Variants in TMEM117 observed in about 807,000 individuals in gnomAD.
TMEM117 encodes the protein transmembrane protein 117.
TMEM117 carries 27 observed loss-of-function variants against 52.4 expected under a neutral mutation model. That is an observed-to-expected ratio of 0.51 (90% CI 0.38 to 0.71). The LOEUF is 0.71. Among genes scored for constraint, TMEM117 ranks in the 30% least tolerant of loss-of-function variants. TMEM117 has a pLI of 0.00. For synonymous variants in TMEM117, 215 were observed against 206.3 expected (o/e 1.04, Z -0.36); for missense variants, 556 against 630.5 (o/e 0.88, Z 1.26).
chr12:44,147,657 C>T lies in TMEM117; in HGVS notation c.510+4033C>T, dbSNP rs549566557. Among the ~76,000 whole-genome samples the T allele has an allele frequency of 5.3e-5, 8 of 152,080 alleles. No individual in the cohort carries two copies. In the South Asian group the frequency reaches 8.3e-4, roughly 16 times the overall value. On this transcript the variant is annotated intron_variant, in intron 4 of 7. Coordinates refer to ENST00000266534, the MANE Select transcript of TMEM117 (RefSeq NM_032256.3). ...ATGACCTAAGAAGACAACTCTGGGCCGGGCGCGGTGGCTCACACCTGTAAC... is the reference window on the plus strand; with the variant it reads ...ATGACCTAAGAAGACAACTCTGGGCTGGGCGCGGTGGCTCACACCTGTAAC...
chr12:44,192,810 T>C (rs1949372532), intron 4 of TMEM117, among the ~76,000 whole-genome samples: 1 of 152,200 alleles, frequency 6.6e-6, no homozygotes, highest in Admixed American at 6.5e-5. Context: ...ATCAAGCCTC[T>C]CCAAGCTGTC....
At chr12:44,020,132 T>C (rs1446381247) in intron 3 of TMEM117, among the ~76,000 whole-genome samples, 1 of 152,226 alleles carries the variant, frequency 6.6e-6, no homozygotes, top group Non-Finnish European at 1.5e-5. Context: ...CCAGGTTTTT[T>C]GGTCAAATTC....
At chr12:44,052,228 C>T (rs137990273) in intron 3 of TMEM117, among the ~76,000 whole-genome samples, 1,785 of 152,160 alleles carry the variant, frequency 0.012, 26 homozygotes, top group African/African-American at 0.04. Flanking sequence ...TGGGCTTGTT[C>T]GCCCTTTCCC....
chr12:44,305,244 G>A (rs976535021), intron 6 of TMEM117, among the ~76,000 whole-genome samples: 1 of 81,764 alleles, frequency 1.2e-5, no homozygotes, highest in African/African-American at 5.0e-5. Flanking sequence ...CATTGGCTTT[G>A]GCAAAGAATT....
intron 3 of TMEM117, among the ~76,000 whole-genome samples, chr12:44,110,359 T>C (rs2138104803): frequency 9.2e-6 from 1 of 108,460 alleles, no homozygotes; most frequent in East Asian, 3.0e-4. Flanking sequence ...AGATAGCTCT[T>C]ATTATTTTGA....
At chr12:44,380,575 T>G (rs1029732758) in intron 7 of TMEM117, among the ~76,000 whole-genome samples, 3 of 152,220 alleles carry the variant, frequency 2.0e-5, no homozygotes, top group Admixed American at 2.0e-4. Flanking sequence ...GGTCTGGTCC[T>G]CATCGAGTTC....
chr12:44,274,069 G>A (rs532940468), intron 5 of TMEM117, among the ~76,000 whole-genome samples: 2 of 151,988 alleles, frequency 1.3e-5, no homozygotes, highest in Non-Finnish European at 2.9e-5. Flanking sequence ...AAAACCTAAA[G>A]ACTCCACAAA....
chr12:43,820,583 T>A, the TMEM117 span, among the ~76,000 whole-genome samples: 1 of 80,868 alleles, frequency 1.2e-5, no homozygotes, highest in Non-Finnish European at 2.5e-5. Context: ...ACAGGCGTAT[T>A]TTTTTTTTTT....
At chr12:43,828,651 T>G in the TMEM117 span, among the ~76,000 whole-genome samples, 7 of 152,222 alleles carry the variant, frequency 4.6e-5, no homozygotes, top group Non-Finnish European at 8.8e-5. Context: ...TCCCTTGACT[T>G]CCATTTTATC....
chr12:43,985,621 A>G (rs915857486), intron 3 of TMEM117, among the ~76,000 whole-genome samples: 1 of 152,212 alleles, frequency 6.6e-6, no homozygotes, highest in African/African-American at 2.4e-5. Flanking sequence ...TTGTTTTGGA[A>G]GGAAAGATTT....
intron 2 of TMEM117, among the ~76,000 whole-genome samples, chr12:43,937,734 C>G (rs938812901): frequency 3.3e-5 from 5 of 151,864 alleles, no homozygotes; most frequent in African/African-American, 1.2e-4. Flanking sequence ...ATTTGTATAG[C>G]CTTTTTTTTT....
chr12:44,315,402 CCTGTCAACA>C (rs1347248973), intron 6 of TMEM117, among the ~76,000 whole-genome samples: 2 of 152,168 alleles, frequency 1.3e-5, no homozygotes, highest in Non-Finnish European at 2.9e-5. Context: ...TATAAATTTT[CCTGTCAACA>C]CTGTTTTTGC....
At chr12:44,352,441 C>T (rs1254339155) in intron 6 of TMEM117, among the ~76,000 whole-genome samples, 1 of 152,030 alleles carries the variant, frequency 6.6e-6, no homozygotes, top group African/African-American at 2.4e-5. Context: ...GCTATCCCTC[C>T]CCACTTTCCC....
chr12:44,229,179 T>C lies in TMEM117; in HGVS notation c.608+17792T>C, dbSNP rs1565615511. 2.0e-5 allele frequency among the ~76,000 whole-genome samples: 3 copies of C among 151,996 alleles called. No homozygotes were observed. In the South Asian group the frequency reaches 6.2e-4, roughly 32 times the overall value. ...ATGGAAAAACTGGTGGAGGAGCAGGTTGGGAGAAGAGGATCAAGATTTCTC... is the reference window on the plus strand; with the variant it reads ...ATGGAAAAACTGGTGGAGGAGCAGGCTGGGAGAAGAGGATCAAGATTTCTC... On this transcript the variant is annotated intron_variant, in intron 5 of 7. Transcript: ENST00000266534.
At chr12:44,090,207 A>C (rs769386969) in intron 3 of TMEM117, among the ~76,000 whole-genome samples, 1 of 152,004 alleles carries the variant, frequency 6.6e-6, no homozygotes, top group African/African-American at 2.4e-5. Context: ...TTTTAGATTC[A>C]GGGGGTACAT....
intron 6 of TMEM117, among the ~76,000 whole-genome samples, chr12:44,325,176 T>A (rs1951179418): frequency 6.6e-6 from 1 of 152,204 alleles, no homozygotes; most frequent in Admixed American, 6.5e-5. Context: ...AAAATTTGGA[T>A]TTTGTTTAGA....
chr12:44,335,877 C>T lies in TMEM117; in HGVS notation c.768+36138C>T, dbSNP rs1316106278. On this transcript the variant is annotated intron_variant, in intron 6 of 7. Transcript: ENST00000266534. ...TATGAGCAATCAGTGACAATTCTTG[C>T]CACTAAAACTACATACACTACAATC... Among the ~76,000 whole-genome samples the T allele has an allele frequency of 2.6e-5, 4 of 152,028 alleles. No individual in the cohort carries two copies. The East Asian group carries it at 7.7e-4, about 29-fold the overall frequency.
chr12:44,256,253 C>T (rs1950259293), intron 5 of TMEM117, among the ~76,000 whole-genome samples: 1 of 151,638 alleles, frequency 6.6e-6, no homozygotes, highest in East Asian at 1.9e-4. Flanking sequence ...GCATATAAAA[C>T]AATGTATGTA....
chr12:44,178,654 A>G (rs780657426), intron 4 of TMEM117, among the ~76,000 whole-genome samples: 11 of 152,334 alleles, frequency 7.2e-5, no homozygotes, highest in Non-Finnish European at 1.2e-4. Context: ...GATCCTAGAC[A>G]TGGTTCTCAA....
Sources: allele counts gnomAD v4.1 joint callset (sites outside exome capture counted in the v4.1 genomes callset), GRCh38; gene constraint gnomAD v4.1.1; transcripts MANE v1.5; gene names NCBI Gene and HGNC (gene_info 2026-07-23, HGNC 2026-07-21).